The following PARVB variants were observed in gnomAD, a reference collection of about 807,000 sequenced individuals.
PARVB encodes the protein beta-parvin.
Under a neutral mutation model 47.0 loss-of-function variants are expected in PARVB, and 46 were observed. The ratio of observed to expected loss-of-function variants is 0.98; its 90% CI spans 0.77 to 1.25. The LOEUF (loss-of-function observed/expected upper bound fraction) is 1.25, where lower values mean the gene tolerates loss of function less well. Among genes scored for constraint, PARVB ranks in the 50% most tolerant of loss-of-function variants. PARVB has a pLI of 0.00. For synonymous variants in PARVB, 196 were observed against 196.3 expected, an observed-to-expected ratio of 1.00 and a Z score of 0.01; for missense variants, 473 against 471.6, an observed-to-expected ratio of 1.00 and a Z score of -0.03.
rs1213307585 is a variant in PARVB at position 44,170,489 on chromosome 22, G to A, written c.*1811G>A. 2.0e-5 allele frequency: 3 copies of A among 152,168 alleles called. No individual in the cohort carries two copies. Among genetic ancestry groups the A allele is most frequent in the Non-Finnish European group, 2.9e-5 (2 of 68,060 alleles). The allele number at this position is 152,168 out of a possible 1,614,324, so 9.4% of individuals were successfully genotyped here. A position where few individuals can be genotyped will look rare whatever the true frequency, so the allele number is the denominator to read the frequency against. On this transcript the variant is annotated 3_prime_UTR_variant, in exon 13 of 13. Coordinates refer to ENST00000338758, the MANE Select transcript of PARVB (RefSeq NM_013327.5). ...TTGCCTTGTACCGGGAGGATATGAAGTGTTCATGTTACTCTCCCTGTAGCC... is the reference window on the plus strand; with the variant it reads ...TTGCCTTGTACCGGGAGGATATGAAATGTTCATGTTACTCTCCCTGTAGCC...
At chr22:44,004,803 T>C (rs2050447686) in intron 2 of PARVB, among the ~76,000 whole-genome samples, 1 of 152,252 alleles carries the variant, frequency 6.6e-6, no homozygotes, top group African/African-American at 2.4e-5. Context: ...TTGATTGTCC[T>C]GCAACACAAC....
intron 2 of PARVB, chr22:43,999,803 T>C (rs560770823): frequency 3.9e-4 from 151 of 386,100 alleles, no homozygotes; most frequent in Middle Eastern, 1.7e-3. Flanking sequence ...TTGAGACTAC[T>C]CTGCACAACA....
At chr22:44,064,331 C>T (rs1049673186) in intron 1 of PARVB, among the ~76,000 whole-genome samples, 4 of 152,202 alleles carry the variant, frequency 2.6e-5, no homozygotes, top group African/African-American at 9.7e-5. Flanking sequence ...AGGCATGCGC[C>T]GTGCCCAGGT....
At chr22:44,063,556 G>C (rs1043677794) in intron 1 of PARVB, among the ~76,000 whole-genome samples, 65 of 152,248 alleles carry the variant, frequency 4.3e-4, no homozygotes, top group Non-Finnish European at 9.1e-4. Context: ...TATTTTACAA[G>C]CACTTGCGGT....
intron 1 of PARVB, among the ~76,000 whole-genome samples, chr22:44,038,583 C>A (rs1485108395): frequency 2.0e-5 from 3 of 152,104 alleles, no homozygotes; most frequent in African/African-American, 7.2e-5. Context: ...GAGTTCAAGA[C>A]CAGCTTGGCC....
chr22:44,014,854 A>AT (rs34601668), intron 2 of PARVB, among the ~76,000 whole-genome samples: 110 of 147,600 alleles, frequency 7.5e-4, no homozygotes, highest in East Asian at 5.2e-3. Context: ...AGACACAACA[A>AT]TTTTTTTTTT....
In PARVB at chr22:44,125,403, T is replaced by C. The variant is rs78559141; in HGVS notation, c.377-6084T>C. 3.9e-3 allele frequency among the ~76,000 whole-genome samples: 593 copies of C among 152,126 alleles called. 6 individuals carry two copies. The highest frequency in any genetic ancestry group is 0.013 in the African/African-American group (554 of 41,478). ...GGGTGGAGTGGTTCAACCTGAAACC[T>C]AGATGATGTTTTAAAGGAATGACAA... On this transcript the variant is annotated intron_variant, in intron 4 of 12. Coordinates refer to ENST00000338758, the MANE Select transcript of PARVB (RefSeq NM_013327.5). This position sits in a 1 kb window ranked among gnomAD's most constrained non-coding sequence, Gnocchi z 4.1.
intron 1 of PARVB, among the ~76,000 whole-genome samples, chr22:44,059,138 C>T (rs1248409195): frequency 1.4e-5 from 2 of 146,354 alleles, no homozygotes; most frequent in Non-Finnish European, 3.0e-5. Context: ...CTCTGCTTCT[C>T]ACATTTAAGC....
chr22:44,167,128 C>T (rs980137316), intron 12 of PARVB, among the ~76,000 whole-genome samples: 2 of 152,002 alleles, frequency 1.3e-5, no homozygotes, highest in African/African-American at 2.4e-5. Flanking sequence ...CATCCTGGCC[C>T]CCTGCCCCCT....
intron 2 of PARVB, among the ~76,000 whole-genome samples, chr22:44,003,120 A>G (rs1455376655): frequency 6.6e-6 from 1 of 152,110 alleles, no homozygotes; most frequent in Non-Finnish European, 1.5e-5. Context: ...AGCATTCCCT[A>G]CATTTGTCAC....
chr22:44,016,673 G>A (rs977294824), intron 2 of PARVB, among the ~76,000 whole-genome samples: 2 of 152,172 alleles, frequency 1.3e-5, no homozygotes, highest in Non-Finnish European at 2.9e-5. Context: ...ACAGCTGAAG[G>A]GGGCTGGAAG....
intron 1 of PARVB, among the ~76,000 whole-genome samples, chr22:44,059,240 T>C (rs1569083149): frequency 6.6e-6 from 1 of 151,928 alleles, no homozygotes. Context: ...GAGACGGGGT[T>C]TCACAATGTT....
At chr22:44,148,913 C>T (rs2053743810) in intron 9 of PARVB, 1 of 152,162 alleles carries the variant, frequency 6.6e-6, no homozygotes, top group Non-Finnish European at 1.5e-5. Flanking sequence ...GGGACAAAGC[C>T]TTCCTAGCAC....
intron 3 of PARVB, among the ~76,000 whole-genome samples, chr22:44,102,540 CAGAG>C (rs1410207212): frequency 6.6e-6 from 1 of 152,080 alleles, no homozygotes; most frequent in South Asian, 2.1e-4. Flanking sequence ...TGTGGAGACT[CAGAG>C]AGAGGTGAAG....
chr22:44,156,517 T>A (rs1481699218), intron 10 of PARVB, among the ~76,000 whole-genome samples: 1 of 152,092 alleles, frequency 6.6e-6, no homozygotes, highest in Non-Finnish European at 1.5e-5. Flanking sequence ...GACCTTGTGA[T>A]CCACCCACCT....
At chr22:44,085,088 C>T (rs2051994077) in intron 1 of PARVB, among the ~76,000 whole-genome samples, 1 of 152,170 alleles carries the variant, frequency 6.6e-6, no homozygotes, top group African/African-American at 2.4e-5. Flanking sequence ...GATACGTACA[C>T]ATAGAAATAC....
At chr22:44,019,050 G>A (rs1374925019) in intron 2 of PARVB, among the ~76,000 whole-genome samples, 2 of 151,546 alleles carry the variant, frequency 1.3e-5, no homozygotes, top group Non-Finnish European at 1.5e-5. Flanking sequence ...CCCAGTAGCT[G>A]GGATTATAGG....
At chr22:44,140,298 A>G in intron 8 of PARVB, 155 bp downstream of exon 8, 1 of 783,970 alleles carries the variant, frequency 1.3e-6, no homozygotes, top group Admixed American at 1.9e-5. Flanking sequence ...TGCACAGCCC[A>G]CCCCCACCTT....
At chr22:44,021,759 T>A (rs62226384), upstream of PARVB, among the ~76,000 whole-genome samples, 2,214 of 102,664 alleles carry the variant, frequency 0.022, 89 homozygotes, top group African/African-American at 0.043. Flanking sequence ...AAGTCTAGAC[T>A]CACACACACA....
Sources: gnomAD v4.1 joint callset for allele counts (sites outside exome capture counted in the v4.1 genomes callset) on GRCh38, gnomAD v4.1.1 for gene constraint, Gnocchi (gnomAD v3.1) non-coding constraint, MANE v1.5 for transcripts, NCBI Gene and HGNC (gene_info 2026-07-23, HGNC 2026-07-21) for gene names.